ZMYND11: variants seen among roughly 807,000 people sequenced by gnomAD.
The protein encoded by ZMYND11 is zinc finger MYND-type containing 11.
ZMYND11 carries 9 observed loss-of-function variants against 84.9 expected under a neutral mutation model. The ratio of observed to expected loss-of-function variants is 0.11; its 90% CI spans 0.06 to 0.18. The LOEUF is 0.18. Ranked by LOEUF, ZMYND11 falls within the 10% of genes least tolerant of loss-of-function variation. ZMYND11 has a pLI of 1.00. For synonymous variants in ZMYND11, 250 were observed against 244.1 expected, an observed-to-expected ratio of 1.02 and a Z score of -0.23; for missense variants, 409 against 761.0, an observed-to-expected ratio of 0.54 and a Z score of 5.44.
intron 2 of ZMYND11, among the ~76,000 whole-genome samples, chr10:200,482 A>G (rs1942947538): frequency 6.6e-6 from 1 of 151,114 alleles, no homozygotes; most frequent in South Asian, 2.1e-4. Context: ...GTCTTGCTGT[A>G]TTGCCCAGGC....
At chr10:210,502 C>G (rs1588974477) in intron 3 of ZMYND11, among the ~76,000 whole-genome samples, 2 of 152,188 alleles carry the variant, frequency 1.3e-5, no homozygotes, top group African/African-American at 2.4e-5. Context: ...TGGCAGAGTA[C>G]AAAGGTTCCA....
chr10:173,313 G>T (rs532395875), intron 1 of ZMYND11, among the ~76,000 whole-genome samples: 1 of 152,180 alleles, frequency 6.6e-6, no homozygotes, highest in African/African-American at 2.4e-5. Flanking sequence ...TAATACTTTT[G>T]TTCTGTCAAA....
At chr10:158,353 A>G (rs1842155506) in intron 1 of ZMYND11, among the ~76,000 whole-genome samples, 1 of 151,610 alleles carries the variant, frequency 6.6e-6, no homozygotes, top group Admixed American at 6.6e-5. Context: ...ATGTATGAAA[A>G]CACCGGTTTC....
At chr10:172,848 ACT>A (rs1334789675) in intron 1 of ZMYND11, among the ~76,000 whole-genome samples, 1 of 152,196 alleles carries the variant, frequency 6.6e-6, no homozygotes, top group Admixed American at 6.6e-5. Flanking sequence ...CTTACTGTAA[ACT>A]TTAGTGACCA....
intron 2 of ZMYND11, among the ~76,000 whole-genome samples, chr10:184,380 C>T (rs867534324): frequency 6.6e-6 from 1 of 152,034 alleles, no homozygotes; most frequent in Non-Finnish European, 1.5e-5. Flanking sequence ...TGTATTTGTA[C>T]TTTTTAATTC....
At chr10:240,847 G>C (rs1290197448) in intron 8 of ZMYND11, 46 bp from the exon 9 acceptor site, 1 of 1,295,014 alleles carries the variant, frequency 7.7e-7, no homozygotes, top group African/African-American at 1.5e-5. Context: ...AGTTTAATGT[G>C]TATGTATATT....
At chr10:230,708 A>T (rs567551681) in intron 4 of ZMYND11, among the ~76,000 whole-genome samples, 122 of 152,312 alleles carry the variant, frequency 8.0e-4, no homozygotes, top group Non-Finnish European at 1.3e-3. Context: ...AAAATTATTT[A>T]TGTTGGTCAG....
At chr10:197,539 T>G (rs1231695202) in intron 2 of ZMYND11, among the ~76,000 whole-genome samples, 2 of 152,172 alleles carry the variant, frequency 1.3e-5, no homozygotes, top group African/African-American at 4.8e-5. Flanking sequence ...CTGCTGAGGA[T>G]GTGTTGCAGA....
intron 4 of ZMYND11, among the ~76,000 whole-genome samples, chr10:223,302 G>A (rs1410878162): frequency 6.6e-6 from 1 of 152,126 alleles, no homozygotes; most frequent in Non-Finnish European, 1.5e-5. Context: ...GCCTCCCAAA[G>A]TGCTGAGATT....
At chr10:190,613 A>G (rs1474665539) in intron 2 of ZMYND11, among the ~76,000 whole-genome samples, 1 of 152,214 alleles carries the variant, frequency 6.6e-6, no homozygotes, top group Admixed American at 6.5e-5. Context: ...CATTATTGAT[A>G]AAGTCCAAAT....
chr10:140,579 A>C (rs1207571243), intron 1 of ZMYND11, among the ~76,000 whole-genome samples: 2 of 152,246 alleles, frequency 1.3e-5, no homozygotes, highest in Non-Finnish European at 2.9e-5. Flanking sequence ...CAATTCAAAA[A>C]ATAACCTAAT....
At chr10:243,736 G>A (rs1426973473) in intron 10 of ZMYND11, among the ~76,000 whole-genome samples, 1 of 152,146 alleles carries the variant, frequency 6.6e-6, no homozygotes, top group Non-Finnish European at 1.5e-5. Context: ...GTGGTGGTGT[G>A]TGCCTGTAGT....
chr10:226,618 T>C (rs1185628465), intron 4 of ZMYND11, among the ~76,000 whole-genome samples: 1 of 152,164 alleles, frequency 6.6e-6, no homozygotes, highest in Non-Finnish European at 1.5e-5. Context: ...GGGCTTTAAA[T>C]TTTGTATGAT....
intron 2 of ZMYND11, among the ~76,000 whole-genome samples, chr10:206,779 G>A (rs926848149): frequency 9.2e-5 from 14 of 151,892 alleles, no homozygotes; most frequent in African/African-American, 2.7e-4. Context: ...TTATCACTAC[G>A]TAACACATTT....
At chr10:235,595 G>A (rs1949813878) in intron 4 of ZMYND11, among the ~76,000 whole-genome samples, 2 of 152,174 alleles carry the variant, frequency 1.3e-5, no homozygotes, top group Admixed American at 1.3e-4. Flanking sequence ...GATGCTCAGC[G>A]AGTGAAGCCC....
intron 1 of ZMYND11, among the ~76,000 whole-genome samples, chr10:167,852 T>G (rs1339978532): frequency 6.6e-6 from 1 of 152,204 alleles, no homozygotes; most frequent in Non-Finnish European, 1.5e-5. Flanking sequence ...TTATTATCTT[T>G]ATCATTTTTA....
At chr10:185,388 T>C (rs536615312) in intron 2 of ZMYND11, among the ~76,000 whole-genome samples, 3 of 152,006 alleles carry the variant, frequency 2.0e-5, no homozygotes, top group Admixed American at 1.3e-4. Flanking sequence ...CATTTTGCTT[T>C]ATTTGGTATT....
At chr10:151,393 A>T (rs577866187) in intron 1 of ZMYND11, among the ~76,000 whole-genome samples, 1 of 152,216 alleles carries the variant, frequency 6.6e-6, no homozygotes, top group Non-Finnish European at 1.5e-5. Flanking sequence ...GCTGAAAACC[A>T]TCGCATGAGA....
chr10:212,767 TAGTAAAAGCACA>T (rs1272503980), intron 3 of ZMYND11, among the ~76,000 whole-genome samples: 2 of 152,160 alleles, frequency 1.3e-5, no homozygotes, highest in Non-Finnish European at 2.9e-5. Context: ...GTATATAATA[TAGTAAAAGCACA>T]TTAGTTTCTT....
Sources: allele counts gnomAD v4.1 joint callset (sites outside exome capture counted in the v4.1 genomes callset), GRCh38; gene constraint gnomAD v4.1.1; transcripts MANE v1.5; gene names NCBI Gene and HGNC (gene_info 2026-07-23, HGNC 2026-07-21).